RBFOX1: variants seen among roughly 807,000 people sequenced by gnomAD.
The protein encoded by RBFOX1 is RNA binding fox-1 homolog 1.
A neutral mutation model predicts 57.7 loss-of-function variants in RBFOX1; 8 were observed. That is an observed-to-expected ratio of 0.14 (90% CI 0.08 to 0.25). The LOEUF (loss-of-function observed/expected upper bound fraction) is 0.25. Among genes scored for constraint, RBFOX1 ranks in the 10% least tolerant of loss-of-function variants. RBFOX1 has a pLI of 1.00. For synonymous variants in RBFOX1, 326 were observed against 222.4 expected (o/e 1.47, Z -4.15); for missense variants, 611 against 548.5 (o/e 1.11, Z -1.14).
chr16:7,705,138 G>A (rs1252833614), intron 14 of RBFOX1, among the ~76,000 whole-genome samples: 1 of 151,842 alleles, frequency 6.6e-6, no homozygotes, highest in Non-Finnish European at 1.5e-5. Context: ...CATAAAAGAT[G>A]AAAGTCAGGT....
intron 1 of RBFOX1, among the ~76,000 whole-genome samples, chr16:6,149,864 TG>T (rs1348743631): frequency 6.6e-6 from 1 of 152,226 alleles, no homozygotes; most frequent in Non-Finnish European, 1.5e-5. Context: ...GAAAGTGGTT[TG>T]CCAACTCTAA....
intron 1 of RBFOX1, among the ~76,000 whole-genome samples, chr16:5,356,732 G>T (rs2065399662): frequency 1.3e-5 from 2 of 152,180 alleles, no homozygotes. Context: ...AAAGATTGTG[G>T]CCTAGAATGC....
intron 4 of RBFOX1, among the ~76,000 whole-genome samples, chr16:5,901,875 C>G (rs1177054015): frequency 2.0e-5 from 3 of 152,164 alleles, no homozygotes; most frequent in Admixed American, 1.3e-4. Flanking sequence ...CTCAATCTGC[C>G]TATGCCCAAG....
intron 3 of RBFOX1, among the ~76,000 whole-genome samples, chr16:6,736,986 A>G (rs2070547895): frequency 6.6e-6 from 1 of 152,172 alleles, no homozygotes; most frequent in Non-Finnish European, 1.5e-5. Context: ...TGTATTCGCC[A>G]CTTATCCCTG....
At chr16:7,174,627 A>C (rs1466333409) in intron 4 of RBFOX1, among the ~76,000 whole-genome samples, 2 of 152,122 alleles carry the variant, frequency 1.3e-5, no homozygotes, top group African/African-American at 2.4e-5. Flanking sequence ...CTAAAAATAC[A>C]AAATTAGCCA....
intron 1 of RBFOX1, among the ~76,000 whole-genome samples, chr16:5,438,463 A>T (rs1335814485): frequency 6.6e-6 from 1 of 152,146 alleles, no homozygotes; most frequent in African/African-American, 2.4e-5. Flanking sequence ...TGCTGTCTTG[A>T]CATCTTTGAG....
chr16:6,604,379 G>T (rs944103406), intron 2 of RBFOX1, among the ~76,000 whole-genome samples: 9 of 151,812 alleles, frequency 5.9e-5, no homozygotes, highest in African/African-American at 1.7e-4. Context: ...GCCTTGCTTT[G>T]TTGCCCAAGC....
intron 4 of RBFOX1, among the ~76,000 whole-genome samples, chr16:7,420,562 T>C (rs2098530680): frequency 1.3e-5 from 2 of 152,142 alleles, no homozygotes; most frequent in African/African-American, 4.8e-5. Context: ...CTCAAGAATA[T>C]TGAATTATTT....
chr16:7,463,579 G>A (rs557962889), intron 4 of RBFOX1, among the ~76,000 whole-genome samples: 5 of 152,110 alleles, frequency 3.3e-5, no homozygotes, highest in South Asian at 2.1e-4. Flanking sequence ...TTAAGGCCCC[G>A]TCTTCTAATA....
intron 2 of RBFOX1, among the ~76,000 whole-genome samples, chr16:6,506,346 C>A (rs915759784): frequency 1.1e-4 from 16 of 151,922 alleles, no homozygotes; most frequent in Non-Finnish European, 2.9e-5. Context: ...ACACTCAGAT[C>A]TATGGGGAAG....
At chr16:7,276,426 A>T (rs1253031368) in intron 4 of RBFOX1, among the ~76,000 whole-genome samples, 1 of 152,228 alleles carries the variant, frequency 6.6e-6, no homozygotes, top group African/African-American at 2.4e-5. Flanking sequence ...TTAGAATGAC[A>T]AAAGACTCTG....
At chr16:5,939,264 G>C (rs2059233336) in intron 4 of RBFOX1, among the ~76,000 whole-genome samples, 1 of 152,204 alleles carries the variant, frequency 6.6e-6, no homozygotes, top group Non-Finnish European at 1.5e-5. Context: ...ATTAGTATAT[G>C]TAATTGTCTA....
chr16:5,241,608 T>A (rs1021221623), intron 1 of RBFOX1, among the ~76,000 whole-genome samples: 2 of 152,216 alleles, frequency 1.3e-5, no homozygotes, highest in African/African-American at 4.8e-5. Context: ...TGAGCCTTAC[T>A]GTCTTCAGTG....
chr16:6,383,016 T>A (rs1487216704), intron 2 of RBFOX1, among the ~76,000 whole-genome samples: 9 of 152,144 alleles, frequency 5.9e-5, no homozygotes, highest in African/African-American at 1.4e-4. Context: ...GGCAGCGAAA[T>A]CCTAACAGTG....
chr16:7,241,787 C>A (rs1037640416), intron 4 of RBFOX1, among the ~76,000 whole-genome samples: 1 of 151,704 alleles, frequency 6.6e-6, no homozygotes, highest in South Asian at 2.1e-4. Flanking sequence ...CTCTTTCAAT[C>A]TGTCTATAAA....
intron 4 of RBFOX1, among the ~76,000 whole-genome samples, chr16:7,414,185 C>G (rs942118839): frequency 2.0e-5 from 3 of 152,222 alleles, no homozygotes; most frequent in Non-Finnish European, 2.9e-5. Flanking sequence ...TTCACATACA[C>G]TTCCATGCAC....
chr16:6,018,619 A>G (rs901335310), upstream of RBFOX1, among the ~76,000 whole-genome samples: 1 of 151,996 alleles, frequency 6.6e-6, no homozygotes. Flanking sequence ...CAGCCTGGAG[A>G]ACTTTTTGAA....
chr16:5,865,030 A>T (rs965379410), intron 3 of RBFOX1, among the ~76,000 whole-genome samples: 4 of 152,146 alleles, frequency 2.6e-5, no homozygotes, highest in Non-Finnish European at 5.9e-5. Context: ...CTTCCACCTA[A>T]TGGGGGGAAT....
intron 4 of RBFOX1, among the ~76,000 whole-genome samples, chr16:7,296,499 G>A (rs1245649602): frequency 1.3e-5 from 2 of 151,990 alleles, no homozygotes; most frequent in Non-Finnish European, 2.9e-5. Flanking sequence ...TTCTGTAAGG[G>A]TGCTACCATT....
Sources: allele counts gnomAD v4.1 joint callset (sites outside exome capture counted in the v4.1 genomes callset), GRCh38; gene constraint gnomAD v4.1.1; transcripts MANE v1.5; gene names NCBI Gene and HGNC (gene_info 2026-07-23, HGNC 2026-07-21).